Variants in TMEM232 observed in about 807,000 individuals in gnomAD.
The protein encoded by TMEM232 is transmembrane protein 232.
In TMEM232, 80 loss-of-function variants were observed where a neutral mutation model predicts 78.8. That is an observed-to-expected ratio of 1.01 (90% CI 0.85 to 1.22). The LOEUF (loss-of-function observed/expected upper bound fraction) is 1.22, where lower values mean the gene tolerates loss of function less well. Ranked by LOEUF, TMEM232 falls within the 50% of genes most tolerant of loss-of-function variation. TMEM232 has a pLI of 0.00. For missense variants in TMEM232, 881 were observed against 742.2 expected, an observed-to-expected ratio of 1.19 and a Z score of -2.17; for synonymous variants, 297 against 254.3, an observed-to-expected ratio of 1.17 and a Z score of -1.60.
At chr5:110,495,615 CA>C (rs1173001941) in intron 12 of TMEM232, among the ~76,000 whole-genome samples, 1 of 151,338 alleles carries the variant, frequency 6.6e-6, no homozygotes, top group Non-Finnish European at 1.5e-5. Flanking sequence ...TTCTCTAGTC[CA>C]AAAAAACTAG....
At chr5:110,436,028 C>G (rs1307915019) in intron 12 of TMEM232, among the ~76,000 whole-genome samples, 1 of 151,936 alleles carries the variant, frequency 6.6e-6, no homozygotes, top group Admixed American at 6.6e-5. Flanking sequence ...TCAGAGGAAG[C>G]TCCATAGTGC....
chr5:110,738,877 GACA>G, upstream of TMEM232: 1 of 948,308 alleles, frequency 1.1e-6, no homozygotes, highest in East Asian at 2.8e-5. Flanking sequence ...ATTCCCTAAC[GACA>G]ACAAACTTTT....
chr5:110,588,573 C>A (rs938500697), intron 10 of TMEM232, among the ~76,000 whole-genome samples: 6 of 152,110 alleles, frequency 3.9e-5, no homozygotes, highest in Non-Finnish European at 8.8e-5. Flanking sequence ...ATGCAATTAT[C>A]TTCACATACT....
Position 110,427,692 on chromosome 5 carries a change from C to T in TMEM232, c.1704-2776G>A, listed in dbSNP as rs1025283. Among the ~76,000 whole-genome samples the T allele has an allele frequency of 5.2e-3, 793 of 151,888 alleles. 7 individuals are homozygous for T. Among genetic ancestry groups the T allele is most frequent in the African/African-American group, 0.018 (732 of 41,472 alleles). On this transcript the variant is annotated intron_variant, in intron 12 of 13. Coordinates refer to ENST00000455884, the MANE Select transcript of TMEM232 (RefSeq NM_001039763.4). ...CTTTGGGGAAAAATTTATTCCTTGC[C>T]GCTGTTAGCTTCTAGTGGCTGTTGG...
chr5:110,530,340 G>T lies in TMEM232; in HGVS notation c.1456-1505C>A, dbSNP rs150141126. ...TTACAAAGGATAAGGTGAAAATCAT[G>T]CAAGTAAGCAAGCATGTGATTCAGT... On this transcript the variant is annotated intron_variant, in intron 11 of 13. Coordinates refer to ENST00000455884, the MANE Select transcript of TMEM232 (RefSeq NM_001039763.4). Among the ~76,000 whole-genome samples, 5 of 152,314 alleles carry T rather than the reference G, an allele frequency of 3.3e-5. 1 individual carries two copies. In the East Asian group the frequency reaches 9.6e-4, roughly 29 times the overall value.
At chr5:110,562,705 G>A (rs930855651) in intron 11 of TMEM232, among the ~76,000 whole-genome samples, 1 of 151,994 alleles carries the variant, frequency 6.6e-6, no homozygotes, top group Non-Finnish European at 1.5e-5. Context: ...ATCTTGCACA[G>A]AATTCAGCTA....
At chr5:110,689,243 G>T (rs1196290111) in intron 1 of TMEM232, among the ~76,000 whole-genome samples, 1 of 152,128 alleles carries the variant, frequency 6.6e-6, no homozygotes, top group Non-Finnish European at 1.5e-5. Flanking sequence ...CAATTGAGAG[G>T]AAATATTCAA....
At chr5:110,455,223 T>A (rs560910529) in intron 12 of TMEM232, among the ~76,000 whole-genome samples, 3 of 152,248 alleles carry the variant, frequency 2.0e-5, no homozygotes, top group African/African-American at 7.2e-5. Context: ...TCCACACTTT[T>A]AAGAAAGATA....
chr5:110,522,389 T>C (rs1769666113), intron 12 of TMEM232, among the ~76,000 whole-genome samples: 1 of 152,178 alleles, frequency 6.6e-6, no homozygotes, highest in Admixed American at 6.5e-5. Context: ...ACTTCTTACG[T>C]TCTGATATGG....
intron 2 of TMEM232, among the ~76,000 whole-genome samples, chr5:110,654,058 A>C: frequency 6.6e-6 from 1 of 152,330 alleles, no homozygotes; most frequent in East Asian, 1.9e-4. Flanking sequence ...GATTCAGGAA[A>C]GTACTACAAT....
chr5:110,402,475 C>T (rs1755635946), intron 2 of TMEM232, among the ~76,000 whole-genome samples: 1 of 152,082 alleles, frequency 6.6e-6, no homozygotes, highest in Admixed American at 6.6e-5. Flanking sequence ...TAACTTGGAA[C>T]ATTTCTATTA....
intron 8 of TMEM232, among the ~76,000 whole-genome samples, chr5:110,612,183 C>G (rs1041422618): frequency 3.3e-5 from 5 of 151,930 alleles, no homozygotes; most frequent in Non-Finnish European, 5.9e-5. Flanking sequence ...CTAAACAGAC[C>G]CTGGGGTTCA....
At chr5:110,595,142 T>A (rs1317299887) in intron 10 of TMEM232, among the ~76,000 whole-genome samples, 2 of 151,998 alleles carry the variant, frequency 1.3e-5, no homozygotes, top group African/African-American at 4.8e-5. Flanking sequence ...GGGTCTGGAG[T>A]GGACCTCCAG....
At chr5:110,540,023 G>T (rs1226533875) in intron 11 of TMEM232, among the ~76,000 whole-genome samples, 1 of 152,160 alleles carries the variant, frequency 6.6e-6, no homozygotes, top group African/African-American at 2.4e-5. Flanking sequence ...AGCAACAAGG[G>T]GGCCTGAAAA....
intron 12 of TMEM232, among the ~76,000 whole-genome samples, chr5:110,466,917 T>C (rs1762139475): frequency 6.8e-6 from 1 of 146,296 alleles, no homozygotes; most frequent in South Asian, 2.2e-4. Flanking sequence ...TGTGTGTGTG[T>C]GGTGTATGCT....
intron 12 of TMEM232, among the ~76,000 whole-genome samples, chr5:110,461,146 T>C (rs565045873): frequency 2.6e-5 from 4 of 151,718 alleles, no homozygotes; most frequent in Non-Finnish European, 5.9e-5. Context: ...AAAACTGCAA[T>C]AGGCCAAAAG....
intron 11 of TMEM232, among the ~76,000 whole-genome samples, chr5:110,541,930 A>G (rs1420723822): frequency 2.0e-5 from 3 of 152,180 alleles, no homozygotes; most frequent in Admixed American, 1.3e-4. Context: ...AGGCCAAGAG[A>G]TGAAAACATG....
chr5:110,400,232 A>C (rs1239262873), intron 2 of TMEM232, among the ~76,000 whole-genome samples: 1 of 152,126 alleles, frequency 6.6e-6, no homozygotes, highest in Non-Finnish European at 1.5e-5. Context: ...TAAAATTCTG[A>C]CTGTTCCACC....
intron 1 of TMEM232, among the ~76,000 whole-genome samples, chr5:110,688,811 A>G (rs1254179324): frequency 1.3e-5 from 2 of 152,196 alleles, no homozygotes; most frequent in Admixed American, 6.5e-5. Flanking sequence ...ATGGCTATAC[A>G]ATGAAAAGGT....
Sources: gnomAD v4.1 joint callset for allele counts (sites outside exome capture counted in the v4.1 genomes callset) on GRCh38, gnomAD v4.1.1 for gene constraint, MANE v1.5 for transcripts, NCBI Gene and HGNC (gene_info 2026-07-23, HGNC 2026-07-21) for gene names.